Variants in APBB2 observed in about 807,000 individuals in gnomAD.
APBB2 encodes amyloid beta precursor protein binding family B member 2.
APBB2 carries 38 observed loss-of-function variants against 82.5 expected under a neutral mutation model. The observed-to-expected ratio is 0.46, with a 90% CI of 0.36 to 0.60. The LOEUF is 0.60. Ranked by LOEUF, APBB2 falls within the 20% of genes least tolerant of loss-of-function variation. The probability of loss-of-function intolerance (pLI) is 0.00; values close to 1 mark genes in which losing one functional copy is unlikely to be tolerated. For missense variants in APBB2, 772 were observed against 972.3 expected (o/e 0.79, Z 2.74); for synonymous variants, 341 against 368.2 (o/e 0.93, Z 0.85).
intron 6 of APBB2, among the ~76,000 whole-genome samples, chr4:40,985,144 G>A (rs1800079955): frequency 6.6e-6 from 1 of 151,894 alleles, no homozygotes; most frequent in African/African-American, 2.4e-5. Context: ...CAGACTTCTG[G>A]GTTCACATGA....
intron 1 of APBB2, chr4:41,194,249 G>T: frequency 6.6e-6 from 1 of 152,254 alleles, no homozygotes; most frequent in Non-Finnish European, 1.5e-5. Flanking sequence ...TTGAACCCAG[G>T]AGTTCAAGGC....
At chr4:41,005,184 C>T (rs6844080) in intron 6 of APBB2, among the ~76,000 whole-genome samples, 75,854 of 151,888 alleles carry the variant, frequency 0.5, 20,260 homozygotes, top group East Asian at 0.71. Context: ...CTCAGCCTCC[C>T]GGTTCAAGTG....
At chr4:41,091,174 G>A (rs529668039) in intron 3 of APBB2, among the ~76,000 whole-genome samples, 33 of 152,278 alleles carry the variant, frequency 2.2e-4, no homozygotes, top group African/African-American at 7.7e-4. Flanking sequence ...ACCAATCAGA[G>A]TTGTACTAGG....
intron 12 of APBB2, among the ~76,000 whole-genome samples, chr4:40,848,198 G>A (rs999052043): frequency 5.3e-5 from 8 of 152,196 alleles, no homozygotes; most frequent in Admixed American, 5.2e-4. Context: ...ACCAACCCTA[G>A]GAAGGCTGAT....
intron 6 of APBB2, among the ~76,000 whole-genome samples, chr4:40,993,244 A>C (rs1802637653): frequency 6.6e-6 from 1 of 152,138 alleles, no homozygotes; most frequent in Non-Finnish European, 1.5e-5. Context: ...TTAAATATTC[A>C]GTGTTCATAG....
Position 41,145,664 on chromosome 4 carries a change from C to A in APBB2, c.-416-2522G>T, listed in dbSNP as rs561484375. Among the ~76,000 whole-genome samples, 111 of 152,140 alleles carry A rather than the reference C, an allele frequency of 7.3e-4. 3 individuals are homozygous for A. The highest frequency in any genetic ancestry group is 3.1e-4 in the Non-Finnish European group (21 of 68,028). ...CCTGAACAGAAACTGCCTATCACAC[C>A]GAAAGCTTTCTGGTCCTAGCACTGG... On this transcript the variant is annotated intron_variant, in intron 1 of 17. Coordinates refer to ENST00000508593, the MANE Select transcript of APBB2 (RefSeq NM_004307.2).
At chr4:41,101,733 G>A (rs1243425610) in intron 2 of APBB2, among the ~76,000 whole-genome samples, 3 of 152,000 alleles carry the variant, frequency 2.0e-5, no homozygotes, top group Non-Finnish European at 2.9e-5. Flanking sequence ...GCCCAGGCGG[G>A]CGGATCACGA....
chr4:40,875,336 T>C (rs1766616306), intron 12 of APBB2, among the ~76,000 whole-genome samples: 1 of 152,128 alleles, frequency 6.6e-6, no homozygotes, highest in Non-Finnish European at 1.5e-5. Flanking sequence ...AATGTCACAG[T>C]AGAGCAACAC....
Position 40,815,372 on chromosome 4 carries a change from C to T in APBB2, c.*720G>A, listed in dbSNP as rs1188742176. 1 of 152,554 alleles carries T rather than the reference C, an allele frequency of 6.6e-6. No homozygotes were observed. The highest frequency in any genetic ancestry group is 1.5e-5 in the Non-Finnish European group (1 of 68,024). The allele number at this position is 152,554 out of a possible 1,614,324, so 9.5% of individuals were successfully genotyped here. A position where few individuals can be genotyped will look rare whatever the true frequency, so the allele number is the denominator to read the frequency against. On this transcript the variant is annotated 3_prime_UTR_variant, in exon 18 of 18. Coordinates refer to ENST00000508593, the MANE Select transcript of APBB2 (RefSeq NM_004307.2). ...CTTTTAAAAATAATCAGTTTGAAAA[C>T]CATCGGAAAAGAAAGGCTATGTTTT...
intron 4 of APBB2, among the ~76,000 whole-genome samples, chr4:41,052,468 T>C (rs963126688): frequency 1.3e-5 from 2 of 152,132 alleles, no homozygotes; most frequent in Admixed American, 1.3e-4. Context: ...GGATGCCGTG[T>C]CATATCAGTG....
intron 12 of APBB2, chr4:40,879,933 C>T: frequency 2.3e-6 from 2 of 855,760 alleles, no homozygotes; most frequent in Non-Finnish European, 1.4e-6. Flanking sequence ...CTCAGGTGAT[C>T]TGCCCGCCTC....
intron 6 of APBB2, among the ~76,000 whole-genome samples, chr4:40,989,739 C>G (rs1345347967): frequency 6.6e-6 from 1 of 152,170 alleles, no homozygotes; most frequent in Non-Finnish European, 1.5e-5. Context: ...AAGCTGATCT[C>G]TGTGTCATCC....
intron 5 of APBB2, among the ~76,000 whole-genome samples, chr4:41,023,770 C>T (rs1169778079): frequency 5.9e-5 from 9 of 152,140 alleles, no homozygotes; most frequent in African/African-American, 1.4e-4. Context: ...AAGCAATTTA[C>T]AGATTCAATA....
rs141268388 is a variant in APBB2 at position 41,148,608 on chromosome 4, G to C, written c.-416-5466C>G. Reference sequence around the variant, plus strand: ...CTGACTCTAAGGGAAGCTGTGATCTGTGGGAAGGCTCAGGGGGCTAAAGGA... The same window carrying C: ...CTGACTCTAAGGGAAGCTGTGATCTCTGGGAAGGCTCAGGGGGCTAAAGGA... On this transcript the variant is annotated intron_variant, in intron 1 of 17. Coordinates refer to ENST00000508593, the MANE Select transcript of APBB2 (RefSeq NM_004307.2). Among the ~76,000 whole-genome samples the C allele has an allele frequency of 1.8e-3, 271 of 152,336 alleles. 1 individual carries two copies. The highest frequency in any genetic ancestry group is 4.1e-3 in the African/African-American group (169 of 41,578).
chr4:41,204,540 A>G (rs1777475909), intron 1 of APBB2, among the ~76,000 whole-genome samples: 1 of 151,844 alleles, frequency 6.6e-6, no homozygotes, highest in Non-Finnish European at 1.5e-5. Context: ...TGCCCCACAC[A>G]CTCCCCACAC....
At chr4:41,129,357 T>G (rs1346393872) in intron 2 of APBB2, among the ~76,000 whole-genome samples, 1 of 152,166 alleles carries the variant, frequency 6.6e-6, no homozygotes, top group Non-Finnish European at 1.5e-5. Flanking sequence ...ACTACACAGA[T>G]GGCACATTCC....
At chr4:40,853,367 C>T (rs1024308859) in intron 12 of APBB2, among the ~76,000 whole-genome samples, 2 of 130,074 alleles carry the variant, frequency 1.5e-5, no homozygotes, top group Admixed American at 7.5e-5. Flanking sequence ...CTAAAGGATC[C>T]TGTCCCCACC....
intron 3 of APBB2, among the ~76,000 whole-genome samples, chr4:41,094,670 T>G (rs1742912945): frequency 6.6e-6 from 1 of 152,188 alleles, no homozygotes; most frequent in East Asian, 1.9e-4. Flanking sequence ...GTTCAAGCGA[T>G]TCTCCTGCCT....
At chr4:41,077,015 T>G (rs901851541) in intron 3 of APBB2, among the ~76,000 whole-genome samples, 1 of 151,908 alleles carries the variant, frequency 6.6e-6, no homozygotes, top group Non-Finnish European at 1.5e-5. Flanking sequence ...AGGATTTTTT[T>G]TTTTTTTGAG....
Sources: gnomAD v4.1 joint callset for allele counts (sites outside exome capture counted in the v4.1 genomes callset) on GRCh38, gnomAD v4.1.1 for gene constraint, MANE v1.5 for transcripts, NCBI Gene and HGNC (gene_info 2026-07-23, HGNC 2026-07-21) for gene names.